The following PHF24 variants were observed in gnomAD, a reference collection of about 807,000 sequenced individuals.
The protein encoded by PHF24 is PHD finger protein 24, also known as Galpha inhibitory interacting protein.
In PHF24, 25 loss-of-function variants were observed where a neutral mutation model predicts 42.6. That is an observed-to-expected ratio of 0.59 (90% confidence interval 0.43 to 0.82). The LOEUF is 0.82. PHF24 is among the 40% of genes least tolerant of loss of function. PHF24 has a pLI of 0.00. For missense variants in PHF24, 470 were observed against 538.1 expected, an observed-to-expected ratio of 0.87 and a Z score of 1.25; for synonymous variants, 185 against 204.8, an observed-to-expected ratio of 0.90 and a Z score of 0.83.
chr9:34,703,180 A>T, the PHF24 span, among the ~76,000 whole-genome samples: 46,111 of 149,642 alleles, frequency 0.31, 7,238 homozygotes, highest in Admixed American at 0.36. Context: ...CATAATTTAA[A>T]TTTTTTTTTT....
chr9:34,975,111 A>T (rs980487764), intron 3 of PHF24, among the ~76,000 whole-genome samples: 1 of 152,056 alleles, frequency 6.6e-6, no homozygotes, highest in African/African-American at 2.4e-5. Context: ...GGCACTCCCC[A>T]CTTGAAAACC....
chr9:34,681,256 T>A, the PHF24 span: 1 of 152,248 alleles, frequency 6.6e-6, no homozygotes, highest in Non-Finnish European at 1.5e-5. Flanking sequence ...ATTACACTCC[T>A]CAGATTTGGA....
chr9:34,824,254 G>A, the PHF24 span, among the ~76,000 whole-genome samples: 5 of 152,232 alleles, frequency 3.3e-5, no homozygotes, highest in Admixed American at 3.3e-4. Context: ...GGGCATGGCT[G>A]TTCCTGGGTT....
the PHF24 span, among the ~76,000 whole-genome samples, chr9:34,717,027 GCA>G: frequency 6.6e-6 from 1 of 152,208 alleles, no homozygotes; most frequent in Non-Finnish European, 1.5e-5. Flanking sequence ...CAGGTGAGGG[GCA>G]CAGAGTGGCC....
At chr9:34,867,438 T>G in the PHF24 span, among the ~76,000 whole-genome samples, 1 of 10,784 alleles carries the variant, frequency 9.3e-5, no homozygotes, top group Non-Finnish European at 2.7e-4. Context: ...GTAGACCCCT[T>G]CAGGGTCTAC....
the PHF24 span, among the ~76,000 whole-genome samples, chr9:34,863,410 C>T: frequency 9.0e-6 from 1 of 111,000 alleles, no homozygotes; most frequent in African/African-American, 3.3e-5. Flanking sequence ...CCCCAGCTGG[C>T]TCATCAGAGA....
chr9:34,821,505 C>T, the PHF24 span, among the ~76,000 whole-genome samples: 1 of 152,138 alleles, frequency 6.6e-6, no homozygotes, highest in African/African-American at 2.4e-5. Flanking sequence ...AGTGAGGTAG[C>T]AGCTATTTTG....
At chr9:34,756,903 C>T in the PHF24 span, among the ~76,000 whole-genome samples, 1 of 151,264 alleles carries the variant, frequency 6.6e-6, no homozygotes, top group African/African-American at 2.4e-5. Flanking sequence ...CAGTGTTTTT[C>T]TTTTCTTTTC....
At chr9:34,801,571 C>CA in the PHF24 span, among the ~76,000 whole-genome samples, 1 of 151,974 alleles carries the variant, frequency 6.6e-6, no homozygotes, top group Non-Finnish European at 1.5e-5. Context: ...ACTAAAAATA[C>CA]AAAAAACTAG....
At chr9:34,670,545 G>T in the PHF24 span, among the ~76,000 whole-genome samples, 3 of 152,204 alleles carry the variant, frequency 2.0e-5, no homozygotes, top group African/African-American at 7.2e-5. Flanking sequence ...ACTCTCCGCA[G>T]TAGACTGCAC....
chr9:34,880,276 G>C, the PHF24 span, among the ~76,000 whole-genome samples: 3 of 152,154 alleles, frequency 2.0e-5, no homozygotes, highest in African/African-American at 7.2e-5. Context: ...TCGATGCTAG[G>C]AAGAAACTGC....
At chr9:34,953,491 G>C (rs1239042945), upstream of PHF24, among the ~76,000 whole-genome samples, 1 of 152,202 alleles carries the variant, frequency 6.6e-6, no homozygotes, top group Non-Finnish European at 1.5e-5. This position sits in a 1 kb window ranked among gnomAD's most constrained non-coding sequence, Gnocchi z 4.1. Context: ...CCCAGGGCTT[G>C]TGTTTCTTTG....
At chr9:34,812,277 TA>T in the PHF24 span, among the ~76,000 whole-genome samples, 1 of 151,870 alleles carries the variant, frequency 6.6e-6, no homozygotes, top group Non-Finnish European at 1.5e-5. Context: ...GATGGCTATT[TA>T]AAAAAAAGGA....
chr9:34,866,814 C>T, the PHF24 span, among the ~76,000 whole-genome samples: 3 of 152,230 alleles, frequency 2.0e-5, no homozygotes, highest in East Asian at 1.9e-4. Flanking sequence ...CAGTAACTTA[C>T]ATGCTATTTT....
chr9:34,818,207 G>T, the PHF24 span, among the ~76,000 whole-genome samples: 1 of 152,126 alleles, frequency 6.6e-6, no homozygotes, highest in African/African-American at 2.4e-5. Context: ...GCTAACTTGA[G>T]TATTATGTTG....
In PHF24 at chr9:34,976,733, G is replaced by A. The variant is rs373860524; in HGVS notation, c.842G>A (p.Arg281His). 57 of 1,613,074 alleles carry A rather than the reference G, an allele frequency of 3.5e-5. No homozygotes were observed. The highest frequency in any genetic ancestry group is 4.2e-5 in the Non-Finnish European group (50 of 1,179,236). The change falls in exon 5 of 8, where the codon CGT becomes CAT. Residue 281 changes from arginine to histidine, a missense_variant. Transcript: ENST00000242315. ...TCCCTCCTGCTTCTGCAGCAGTTGC[G>A]TCCCCAGGTGAGGGCCAGTTGGGGC...
At chr9:34,858,073 A>G in the PHF24 span, among the ~76,000 whole-genome samples, 1 of 146,162 alleles carries the variant, frequency 6.8e-6, no homozygotes, top group Non-Finnish European at 1.5e-5. Context: ...TTTTTAAATT[A>G]TTTATTTACT....
the PHF24 span, among the ~76,000 whole-genome samples, chr9:34,732,427 A>G: frequency 6.6e-6 from 1 of 152,312 alleles, no homozygotes; most frequent in South Asian, 2.1e-4. Flanking sequence ...TTCTTTTGAC[A>G]AAAGATCTTT....
the PHF24 span, among the ~76,000 whole-genome samples, chr9:34,746,365 A>G: frequency 6.6e-6 from 1 of 152,214 alleles, no homozygotes; most frequent in Non-Finnish European, 1.5e-5. Context: ...AGAGAAAAGA[A>G]AAGTACAAGC....
Sources: allele counts gnomAD v4.1 joint callset (sites outside exome capture counted in the v4.1 genomes callset), GRCh38; gene constraint gnomAD v4.1.1; non-coding constraint Gnocchi (gnomAD v3.1); transcripts MANE v1.5; gene names NCBI Gene and HGNC (gene_info 2026-07-23, HGNC 2026-07-21).